EML6: variants seen among roughly 807,000 people sequenced by gnomAD.
EML6 encodes EMAP like 6.
A neutral mutation model predicts 240.1 loss-of-function variants in EML6; 154 were observed. That is an observed-to-expected ratio of 0.64 (90% CI 0.56 to 0.73). The LOEUF is 0.73. Ranked by LOEUF, EML6 falls within the 30% of genes least tolerant of loss-of-function variation. EML6 has a pLI of 0.00. For synonymous variants in EML6, 1,148 were observed against 899.0 expected (o/e 1.28, Z -4.95); for missense variants, 2,964 against 2,474.6 (o/e 1.20, Z -4.20).
intron 16 of EML6, among the ~76,000 whole-genome samples, chr2:54,877,432 G>A (rs1671567258): frequency 6.7e-6 from 1 of 148,772 alleles, no homozygotes; most frequent in African/African-American, 2.5e-5. Context: ...ACTTACAAAG[G>A]AAATGTGATA....
chr2:54,841,702 C>T (rs1171872944), intron 7 of EML6, among the ~76,000 whole-genome samples: 2 of 150,260 alleles, frequency 1.3e-5, no homozygotes, highest in Non-Finnish European at 3.0e-5. Flanking sequence ...ATGCCATTCT[C>T]GTGCCTCAGC....
At chr2:54,860,475 A>G (rs1201160965) in intron 12 of EML6, among the ~76,000 whole-genome samples, 3 of 152,130 alleles carry the variant, frequency 2.0e-5, no homozygotes, top group Admixed American at 6.5e-5. Flanking sequence ...ACCAATATGC[A>G]ACAGGGATTT....
intron 4 of EML6, among the ~76,000 whole-genome samples, chr2:54,817,442 A>C (rs978660818): frequency 6.6e-6 from 1 of 152,196 alleles, no homozygotes; most frequent in Non-Finnish European, 1.5e-5. Flanking sequence ...GCATAATTAA[A>C]ATAATTTGAC....
At chr2:54,796,179 C>T (rs1256898583) in intron 2 of EML6, among the ~76,000 whole-genome samples, 1 of 152,190 alleles carries the variant, frequency 6.6e-6, no homozygotes, top group South Asian at 2.1e-4. Flanking sequence ...TCATATCTAT[C>T]TATGACATCT....
chr2:54,869,624 G>C (rs1671150345), intron 15 of EML6, among the ~76,000 whole-genome samples: 1 of 152,284 alleles, frequency 6.6e-6, no homozygotes, highest in Non-Finnish European at 1.5e-5. Flanking sequence ...CTAAAATGGT[G>C]AAAGTTTTGT....
intron 17 of EML6, among the ~76,000 whole-genome samples, chr2:54,883,165 C>A (rs1208010362): frequency 6.6e-6 from 1 of 152,038 alleles, no homozygotes; most frequent in East Asian, 1.9e-4. Context: ...AATTCCACTA[C>A]CCAGATGTAG....
intron 3 of EML6, among the ~76,000 whole-genome samples, chr2:54,814,821 A>C: frequency 6.6e-6 from 1 of 152,104 alleles, no homozygotes; most frequent in East Asian, 1.9e-4. Context: ...ACATATGTAG[A>C]CCCCTGGAAT....
At chr2:54,837,564 C>CT (rs899519797) in intron 7 of EML6, among the ~76,000 whole-genome samples, 6 of 152,200 alleles carry the variant, frequency 3.9e-5, no homozygotes, top group African/African-American at 7.2e-5. Flanking sequence ...GTGCTACTGT[C>CT]TTTTTTGTCA....
chr2:54,927,806 T>C (rs1360234462), intron 26 of EML6, among the ~76,000 whole-genome samples: 1 of 152,266 alleles, frequency 6.6e-6, no homozygotes, highest in East Asian at 1.9e-4. Context: ...AAATTCTTTC[T>C]AGCGTCTGTG....
rs4672000 is a variant in EML6, at chr2:54,954,215, G to C, written c.4486+59G>C. 4 of 1,443,776 alleles carry C rather than the reference G, an allele frequency of 2.8e-6. No individual in the cohort carries two copies. The Admixed American group carries it at 6.8e-5, about 25-fold the overall frequency. 89.4% of individuals were successfully genotyped at this position (1,443,776 alleles called of 1,614,324 possible). ...GTGTCTGCCTGTGGGTGTCGAGCCT[G>C]TGGGCTCGAACCCAGATCTGCCTCA... On this transcript the variant is annotated intron_variant, in intron 32 of 41. Coordinates refer to ENST00000356458, the MANE Select transcript of EML6 (RefSeq NM_001039753.4).
At chr2:54,727,679 C>A (rs1393183940) in intron 2 of EML6, among the ~76,000 whole-genome samples, 1 of 152,160 alleles carries the variant, frequency 6.6e-6, no homozygotes, top group African/African-American at 2.4e-5. Context: ...ACATGAATAT[C>A]AAAACTTGTT....
chr2:54,953,941 ATTTGTCAGCCTTACTTC>A, intron 31 of EML6, 25 bp from the exon 32 acceptor site: 1 of 1,468,300 alleles, frequency 6.8e-7, no homozygotes. Context: ...TGGCTCTGCC[ATTTGTCAGCCTTACTTC>A]TTTGTCATGC....
In EML6 at chr2:54,839,718, CT is replaced by C. The variant is rs1369301181; in HGVS notation, c.848-4328del. Among the ~76,000 whole-genome samples the C allele has an allele frequency of 5.3e-5, 8 of 152,202 alleles. No homozygotes were observed. The East Asian group carries it at 1.5e-3, about 29-fold the overall frequency. On this transcript the variant is annotated intron_variant, in intron 7 of 41. Coordinates refer to ENST00000356458, the MANE Select transcript of EML6 (RefSeq NM_001039753.4). Reference sequence around the variant, plus strand: ...GGGATCCTCAAACTCCCGCCTCTTGCTGTCCTATTTCCTGGCCCTCTCCTTG... The same window carrying C: ...GGGATCCTCAAACTCCCGCCTCTTGCGTCCTATTTCCTGGCCCTCTCCTTG...
chr2:54,901,731 T>C (rs1673065780), intron 22 of EML6, among the ~76,000 whole-genome samples: 1 of 152,224 alleles, frequency 6.6e-6, no homozygotes, highest in Non-Finnish European at 1.5e-5. Context: ...GCTTTCAGCA[T>C]ACCATGAACA....
chr2:54,903,994 T>C (rs1052681594), intron 24 of EML6, among the ~76,000 whole-genome samples: 5 of 152,194 alleles, frequency 3.3e-5, no homozygotes, highest in African/African-American at 1.2e-4. Context: ...AACCTACTCC[T>C]ACCTCCTCCA....
At chr2:54,750,524 G>A (rs1203221489) in intron 2 of EML6, among the ~76,000 whole-genome samples, 1 of 152,144 alleles carries the variant, frequency 6.6e-6, no homozygotes, top group East Asian at 1.9e-4. Flanking sequence ...TTCTAGATTG[G>A]TGCTGACATC....
rs200130756 is a variant in EML6, at chr2:54,891,151, G to A, written c.2536G>A (p.Ala846Thr). 1,537 of 1,453,122 alleles carry A rather than the reference G, an allele frequency of 1.1e-3. 1 individual carries two copies. Among genetic ancestry groups the A allele is most frequent in the Middle Eastern group, 1.6e-3 (9 of 5,668 alleles). 90.0% of individuals were successfully genotyped at this position (1,453,122 alleles called of 1,614,324 possible). ...AAAACACATCAAATTCTGGCAACAA[G>A]CAGGTACTGTCGTTTGGGTTTATCA... ...GIKHIKFWQQ[A>T]GGGFTSKRGT... is the part of the protein sequence containing the mutation. Residue 846 changes from alanine (A) to threonine (T), a missense_variant, in exon 18 of 42, where the codon GCA becomes ACA. Ala to Thr is a moderately conservative substitution (Grantham distance 58). Transcript: ENST00000356458.
At chr2:54,793,807 C>CT (rs972910206) in intron 2 of EML6, among the ~76,000 whole-genome samples, 1 of 152,156 alleles carries the variant, frequency 6.6e-6, no homozygotes. Flanking sequence ...CTCCCACCTC[C>CT]TGGTGCCTGG....
chr2:54,893,006 G>T (rs1672558214), intron 19 of EML6, among the ~76,000 whole-genome samples: 1 of 152,072 alleles, frequency 6.6e-6, no homozygotes, highest in Admixed American at 6.6e-5. Flanking sequence ...GTGACACAAT[G>T]GGCAGAGACC....
Sources: allele counts gnomAD v4.1 joint callset (sites outside exome capture counted in the v4.1 genomes callset), GRCh38; gene constraint gnomAD v4.1.1; transcripts MANE v1.5; gene names NCBI Gene and HGNC (gene_info 2026-07-23, HGNC 2026-07-21).